Variants in KIFC1 observed in about 807,000 individuals in gnomAD.
KIFC1 encodes the protein kinesin-like protein KIFC1.
In KIFC1, 37 loss-of-function variants were observed where a neutral mutation model predicts 66.6. That is an observed-to-expected ratio of 0.56 (90% CI 0.43 to 0.73). The LOEUF is 0.73. Ranked by LOEUF, KIFC1 falls within the 30% of genes least tolerant of loss-of-function variation. The pLI, the probability that KIFC1 is intolerant of heterozygous loss-of-function variation, is 0.00. For synonymous variants in KIFC1, 325 were observed against 343.5 expected, an observed-to-expected ratio of 0.95 and a Z score of 0.60; for missense variants, 721 against 859.8, an observed-to-expected ratio of 0.84 and a Z score of 2.02.
chr6:33,408,617 A>AG (rs2151095888), intron 10 of KIFC1, among the ~76,000 whole-genome samples: 1 of 152,372 alleles, frequency 6.6e-6, no homozygotes, highest in South Asian at 2.1e-4. Flanking sequence ...AACAAGATAA[A>AG]TGCTGAATTA....
chr6:33,392,702 G>C (rs1301382073), intron 1 of KIFC1, among the ~76,000 whole-genome samples: 1 of 151,914 alleles, frequency 6.6e-6, no homozygotes, highest in African/African-American at 2.4e-5. Context: ...TGAATCCTTT[G>C]TTTACTAGTA....
In KIFC1 at chr6:33,405,697, G is replaced by A; in HGVS notation, c.1536+66G>A. ...GTGGGCAGGGTGCCACGAGATGGAG[G>A]TAGAGGGAGAAAGGAGCAAGAGAGA... On this transcript the variant is annotated intron_variant, in intron 7 of 10. Transcript: ENST00000428849. This position sits in a 1 kb window ranked among gnomAD's most constrained non-coding sequence, Gnocchi z 5.4. The A allele has an allele frequency of 1.4e-6, 2 of 1,390,390 alleles. No homozygotes were observed. Among genetic ancestry groups the A allele is most frequent in the Non-Finnish European group, 1.9e-6 (2 of 1,056,172 alleles). The allele number at this position is 1,390,390 out of a possible 1,614,324, so 86.1% of individuals were successfully genotyped here. A position where few individuals can be genotyped will look rare whatever the true frequency, so the allele number is the denominator to read the frequency against.
intron 3 of KIFC1, among the ~76,000 whole-genome samples, chr6:33,402,088 A>C (rs1775401975): frequency 6.6e-6 from 1 of 152,254 alleles, no homozygotes; most frequent in African/African-American, 2.4e-5. Context: ...CTAAAATAAC[A>C]ATAAAAAGTA....
chr6:33,392,240 C>G (rs1464315946), intron 1 of KIFC1, among the ~76,000 whole-genome samples: 1 of 152,226 alleles, frequency 6.6e-6, no homozygotes, highest in Non-Finnish European at 1.5e-5. Context: ...GGAGCCCCTC[C>G]CTTAACTTTC....
chr6:33,408,717 T>G (rs1224386621), intron 10 of KIFC1, among the ~76,000 whole-genome samples: 1 of 152,238 alleles, frequency 6.6e-6, no homozygotes, highest in Non-Finnish European at 1.5e-5. Flanking sequence ...TATTTTTATT[T>G]TTTTTGAGAC....
chr6:33,392,247 T>C (rs1350686615), intron 1 of KIFC1, among the ~76,000 whole-genome samples: 2 of 152,230 alleles, frequency 1.3e-5, no homozygotes, highest in African/African-American at 2.4e-5. Context: ...CTCCCTTAAC[T>C]TTCATGTCTC....
chr6:33,408,217 C>A (rs1210976128), intron 10 of KIFC1, among the ~76,000 whole-genome samples: 3 of 152,222 alleles, frequency 2.0e-5, no homozygotes, highest in African/African-American at 7.2e-5. Context: ...AGGATCCAGG[C>A]AAGGGCCACC....
chr6:33,399,026 A>G (rs955804216), intron 3 of KIFC1, among the ~76,000 whole-genome samples: 1 of 152,210 alleles, frequency 6.6e-6, no homozygotes, highest in Non-Finnish European at 1.5e-5. Flanking sequence ...TTTTTGGCAT[A>G]TGGAGTACAG....
In KIFC1 at chr6:33,404,743, G is replaced by A; in HGVS notation, c.757-109G>A. 1 of 983,738 alleles carries A rather than the reference G, an allele frequency of 1.0e-6. No homozygotes were observed. The highest frequency in any genetic ancestry group is 1.5e-6 in the Non-Finnish European group (1 of 656,526). 60.9% of individuals were successfully genotyped at this position (983,738 alleles called of 1,614,324 possible). ...CTTTCTTTGTTTACCAGACTTTGAG[G>A]TCCTTTTGAGCAGGGACCTCACTTC... On this transcript the variant is annotated intron_variant, in intron 6 of 10. Coordinates refer to ENST00000428849, the MANE Select transcript of KIFC1 (RefSeq NM_002263.4). This position sits in a 1 kb window ranked among gnomAD's most constrained non-coding sequence, Gnocchi z 4.0.
Position 33,406,785 on chromosome 6 carries a change from A to G in KIFC1, c.1902-15A>G, listed in dbSNP as rs200751813. 1.8e-4 allele frequency: 284 copies of G among 1,614,058 alleles called. 1 individual carries two copies. In the African/African-American group the frequency reaches 3.0e-3, roughly 17 times the overall value. On this transcript the variant is annotated splice_polypyrimidine_tract_variant and intron_variant, in intron 9 of 10. Transcript: ENST00000428849. The surrounding 1 kb of genome is among the most constrained non-coding windows in gnomAD (Gnocchi z 4.5). ...GGCCCCTAATGCTGGGGTTGGGCAC[A>G]TTGTCTTTTCATAGGCTCATGTTTG...
rs777679851 is a variant in KIFC1 at position 33,398,060 on chromosome 6, T to C, written c.44T>C (p.Ile15Thr). 2.5e-5 allele frequency: 40 copies of C among 1,613,834 alleles called. No individual in the cohort carries two copies. In the Admixed American group the frequency reaches 2.7e-4, roughly 11 times the overall value. ...CCCCTATTGGAAGTAAAGGGGAACATAGAACTGAAGAGACCTCTGATTAAG... is the reference window on the plus strand; with the variant it reads ...CCCCTATTGGAAGTAAAGGGGAACACAGAACTGAAGAGACCTCTGATTAAG... Reference protein sequence around the residue: ...RSPLLEVKGNIELKRPLIKAP... With the variant: ...RSPLLEVKGNTELKRPLIKAP... Residue 15 changes from isoleucine to threonine, a missense_variant, in exon 2 of 11, where the codon ATA (isoleucine) becomes ACA (threonine). Transcript: ENST00000428849.
Position 33,400,795 on chromosome 6 carries a change from C to T in KIFC1, c.250+2408C>T, listed in dbSNP as rs1429355867. Reference sequence around the variant, plus strand: ...CCGCGTAGCTGGGACTACAGGCGCCCTCCACCACACTTGGCTAATTTTGTT... The same window carrying T: ...CCGCGTAGCTGGGACTACAGGCGCCTTCCACCACACTTGGCTAATTTTGTT... On this transcript the variant is annotated intron_variant, in intron 3 of 10. Transcript: ENST00000428849. This position sits in a 1 kb window ranked among gnomAD's most constrained non-coding sequence, Gnocchi z 4.3. 1.3e-5 allele frequency among the ~76,000 whole-genome samples: 2 copies of T among 152,012 alleles called. No homozygotes were observed. Among genetic ancestry groups the T allele is most frequent in the Non-Finnish European group, 2.9e-5 (2 of 67,976 alleles).
rs1554300493 is a variant in KIFC1, at chr6:33,409,703, A to ATGTGTGTG, written c.*14_*15insGTGTGTGT. The ATGTGTGTG allele has an allele frequency of 1.5e-6, 2 of 1,332,550 alleles. No individual in the cohort carries two copies. The highest frequency in any genetic ancestry group is 1.9e-5 in the African/African-American group (1 of 54,022). The allele number at this position is 1,332,550 out of a possible 1,614,324, so 82.5% of individuals were successfully genotyped here. A position where few individuals can be genotyped will look rare whatever the true frequency, so the allele number is the denominator to read the frequency against. On this transcript the variant is annotated 3_prime_UTR_variant, in exon 11 of 11. Transcript: ENST00000428849. ...CAACAGGAAGTGAAGACGGATCCAG[A>ATGTGTGTG]TCTGTGTGTGTGTGTGTGTGTGTGT...
At position 33,392,065 on chromosome 6, in the gene KIFC1, C is replaced by G. The variant is rs1166026604; in HGVS notation, c.12+68C>G. The G allele has an allele frequency of 1.8e-5, 28 of 1,557,404 alleles. No homozygotes were observed. The Middle Eastern group carries it at 3.7e-3, about 206-fold the overall frequency. ...CGAAGGCTGACCGCTCCGATGCTGT[C>G]GCGCCCCCGGCTCCCGGTCGGCCTT... On this transcript the variant is annotated intron_variant, in intron 1 of 10. Transcript: ENST00000428849.
At position 33,409,679 on chromosome 6, in the gene KIFC1, A is replaced by C. The variant is rs758476704; in HGVS notation, c.2011A>C (p.Asn671His). 3.8e-5 allele frequency: 61 copies of C among 1,606,828 alleles called. No individual in the cohort carries two copies. Among genetic ancestry groups the C allele is most frequent in the Admixed American group, 1.3e-4 (8 of 59,500 alleles). Reference protein sequence around the residue: ...NQCVIGTAQANRK With the variant: ...NQCVIGTAQAHRK Reference sequence around the variant, plus strand: ...GTGTGTTATTGGTACTGCTCAGGCCAACAGGAAGTGAAGACGGATCCAGAT... The same window carrying C: ...GTGTGTTATTGGTACTGCTCAGGCCCACAGGAAGTGAAGACGGATCCAGAT... Residue 671 changes from asparagine to histidine, a missense_variant, in exon 11 of 11, where the codon AAC becomes CAC. By Grantham distance (68) the Asn-to-His change is moderately conservative. Transcript: ENST00000428849.
chr6:33,407,669 A>G (rs928232697), intron 10 of KIFC1, among the ~76,000 whole-genome samples: 1 of 152,234 alleles, frequency 6.6e-6, no homozygotes, highest in Non-Finnish European at 1.5e-5. Context: ...ACTGGATCAA[A>G]GACTTAGAGG....
chr6:33,396,683 T>C (rs753807045), intron 1 of KIFC1, among the ~76,000 whole-genome samples: 1 of 151,458 alleles, frequency 6.6e-6, no homozygotes, highest in Non-Finnish European at 1.5e-5. Flanking sequence ...AGAATTAATT[T>C]CTTTTTTTTT....
In KIFC1 at chr6:33,404,132, A is replaced by G; in HGVS notation, c.756+3A>G. ...TGTCCCAACTAGAGGAGAAGGAGGT[A>G]AGGGCCAGATTTTCACCAGATGTCA... is the stretch of plus-strand genomic sequence containing the variant. On this transcript the variant is annotated splice_donor_region_variant and intron_variant, in intron 6 of 10. Coordinates refer to ENST00000428849, the MANE Select transcript of KIFC1 (RefSeq NM_002263.4). This position sits in a 1 kb window ranked among gnomAD's most constrained non-coding sequence, Gnocchi z 4.0. The G allele has an allele frequency of 6.2e-7, 1 of 1,601,006 alleles. No homozygotes were observed. The highest frequency in any genetic ancestry group is 1.3e-5 in the African/African-American group (1 of 74,682).
At position 33,409,731 on chromosome 6, in the gene KIFC1, G is replaced by GTCCCTA; in HGVS notation, c.*42_*43insCCCTAT. On this transcript the variant is annotated 3_prime_UTR_variant, in exon 11 of 11. Coordinates refer to ENST00000428849, the MANE Select transcript of KIFC1 (RefSeq NM_002263.4). The stretch of plus-strand genomic sequence containing the variant: ...TGTGTGTGTGTGTGTGTGTGTGTGT[G>GTCCCTA]TGTGTGTGTGTGTGTGTGTGTGTCC... The GTCCCTA allele has an allele frequency of 1.8e-5, 25 of 1,422,224 alleles. No individual in the cohort carries two copies. The highest frequency in any genetic ancestry group is 2.5e-5 in the Non-Finnish European group (25 of 1,019,966). 88.1% of individuals were successfully genotyped at this position (1,422,224 alleles called of 1,614,324 possible).
Sources: gnomAD v4.1 joint callset for allele counts (sites outside exome capture counted in the v4.1 genomes callset) on GRCh38, gnomAD v4.1.1 for gene constraint, Gnocchi (gnomAD v3.1) non-coding constraint, MANE v1.5 for transcripts, NCBI Gene and HGNC (gene_info 2026-07-23, HGNC 2026-07-21) for gene names.